Variants in TXNDC8 observed in about 807,000 individuals in gnomAD.
TXNDC8 encodes the protein thioredoxin domain-containing protein 8.
A neutral mutation model predicts 12.9 loss-of-function variants in TXNDC8; 15 were observed. The observed-to-expected ratio is 1.16, with a 90% CI of 0.78 to 1.79. TXNDC8 has a LOEUF of 1.79. TXNDC8 is among the 40% of genes most tolerant of loss of function. The pLI is 0.00. For missense variants in TXNDC8, 128 were observed against 113.2 expected, an observed-to-expected ratio of 1.13 and a Z score of -0.59; for synonymous variants, 40 against 35.4, an observed-to-expected ratio of 1.13 and a Z score of -0.46.
At chr9:110,309,362 G>A (rs1471635167) in intron 3 of TXNDC8, among the ~76,000 whole-genome samples, 1 of 152,028 alleles carries the variant, frequency 6.6e-6, no homozygotes, top group Non-Finnish European at 1.5e-5. Context: ...TTGAGATAGA[G>A]TCTTGCTGTG....
chr9:110,314,232 C>T (rs1838791778), intron 3 of TXNDC8, among the ~76,000 whole-genome samples: 2 of 152,024 alleles, frequency 1.3e-5, no homozygotes, highest in African/African-American at 4.8e-5. Context: ...TTGAGTTGTC[C>T]TGCCTTTCTT....
At chr9:110,311,261 G>T (rs1838651946) in intron 3 of TXNDC8, among the ~76,000 whole-genome samples, 1 of 151,238 alleles carries the variant, frequency 6.6e-6, no homozygotes, top group Non-Finnish European at 1.5e-5. Context: ...AAATACAACG[G>T]GGAAAATACT....
intron 3 of TXNDC8, among the ~76,000 whole-genome samples, chr9:110,309,853 G>C (rs1227863284): frequency 5.4e-5 from 8 of 147,612 alleles, no homozygotes; most frequent in Admixed American, 2.7e-4. Flanking sequence ...CTTTTATTAA[G>C]GAAAAAAAAG....
At chr9:110,312,201 C>T (rs1347043163) in intron 3 of TXNDC8, among the ~76,000 whole-genome samples, 1 of 152,140 alleles carries the variant, frequency 6.6e-6, no homozygotes, top group African/African-American at 2.4e-5. Context: ...AAATTTGGAG[C>T]ATATTTGTTT....
intron 3 of TXNDC8, among the ~76,000 whole-genome samples, chr9:110,315,460 T>C (rs904754651): frequency 1.3e-5 from 2 of 152,116 alleles, no homozygotes; most frequent in Non-Finnish European, 2.9e-5. Flanking sequence ...GTACTGCTGC[T>C]GCAAAATGCA....
At chr9:110,319,772 G>A (rs1233807853) in intron 3 of TXNDC8, among the ~76,000 whole-genome samples, 2 of 152,170 alleles carry the variant, frequency 1.3e-5, no homozygotes, top group Non-Finnish European at 2.9e-5. Flanking sequence ...AACAGAGTGT[G>A]TGACCCTTGC....
In TXNDC8 at chr9:110,303,697, A is replaced by T; in HGVS notation, c.273T>A (p.Asp91Glu). Reference sequence around the variant, plus strand: ...AAGTTAAATCCTACTCATTTCCATCATCTGCAAGACACTTTAAATATAAAT... The same window carrying T: ...AAGTTAAATCCTACTCATTTCCATCTTCTGCAAGACACTTTAAATATAAAT... Residue 91 changes from aspartate to glutamate, a missense_variant, in exon 5 of 5, where the codon GAT (aspartate) becomes GAA (glutamate). Asp to Glu is a conservative substitution (Grantham distance 45, BLOSUM62 2). Coordinates refer to ENST00000423740, the MANE Select transcript of TXNDC8 (RefSeq NM_001286946.2). 2 of 1,596,126 alleles carry T rather than the reference A, an allele frequency of 1.3e-6. No individual in the cohort carries two copies. The highest frequency in any genetic ancestry group is 2.2e-5 in the South Asian group (2 of 89,550).
Position 110,326,178 on chromosome 9 carries a change from C to G in TXNDC8, c.192G>C (p.Gln64His), listed in dbSNP as rs536585323. ...GCTGGTTACCCTGGAAACATACCTT[C>G]TGGCTTTTCTTGAACATCTGAAATG... Residue 64 changes from glutamine (Q) to histidine (H), a missense_variant, in exon 3 of 5, where the codon CAG (glutamine) becomes CAC (histidine). By Grantham distance (24) the Gln-to-His change is conservative. Coordinates refer to ENST00000423740, the MANE Select transcript of TXNDC8 (RefSeq NM_001286946.2). 7 of 1,614,094 alleles carry G rather than the reference C, an allele frequency of 4.3e-6. No individual in the cohort carries two copies. The African/African-American group carries it at 9.3e-5, about 22-fold the overall frequency.
chr9:110,318,217 A>G (rs1243449846), intron 3 of TXNDC8, among the ~76,000 whole-genome samples: 1 of 152,214 alleles, frequency 6.6e-6, no homozygotes, highest in Non-Finnish European at 1.5e-5. Context: ...GTGTCTGACA[A>G]GGAAAGACCT....
intron 3 of TXNDC8, among the ~76,000 whole-genome samples, chr9:110,311,206 A>G (rs1838650212): frequency 6.6e-6 from 1 of 152,144 alleles, no homozygotes. Context: ...GATTATTATC[A>G]CAGTTTACAT....
intron 3 of TXNDC8, among the ~76,000 whole-genome samples, chr9:110,318,674 C>T (rs956304809): frequency 5.9e-5 from 9 of 151,876 alleles, no homozygotes; most frequent in East Asian, 1.9e-4. Flanking sequence ...GGAGGCGGAG[C>T]TTGCAGTGAG....
chr9:110,319,076 C>T (rs970552792), intron 3 of TXNDC8, among the ~76,000 whole-genome samples: 6 of 152,208 alleles, frequency 3.9e-5, no homozygotes, highest in African/African-American at 1.4e-4. Flanking sequence ...TAGTTCTTGC[C>T]CCCCGACCCC....
At chr9:110,308,334 T>C (rs1838536433) in intron 3 of TXNDC8, among the ~76,000 whole-genome samples, 1 of 152,196 alleles carries the variant, frequency 6.6e-6, no homozygotes, top group South Asian at 2.1e-4. Context: ...ACAAGTTTGA[T>C]TTTTTTGCTG....
At chr9:110,329,424 T>C in intron 2 of TXNDC8, 133 bp from the exon 3 acceptor site, 1 of 668,184 alleles carries the variant, frequency 1.5e-6, no homozygotes, top group Non-Finnish European at 2.5e-6. Context: ...ATTCTGACAT[T>C]TCACTACAGC....
chr9:110,313,962 C>T (rs1838784707), intron 3 of TXNDC8, among the ~76,000 whole-genome samples: 1 of 152,048 alleles, frequency 6.6e-6, no homozygotes, highest in African/African-American at 2.4e-5. Context: ...AATGATTTCT[C>T]CAAAAGATTT....
chr9:110,318,519 G>A (rs758421712), intron 3 of TXNDC8, among the ~76,000 whole-genome samples: 4 of 152,090 alleles, frequency 2.6e-5, no homozygotes, highest in South Asian at 2.1e-4. Context: ...GGTGGATCAC[G>A]AGGTCAGGAG....
At chr9:110,333,185 A>G (rs1355074883) in intron 2 of TXNDC8, among the ~76,000 whole-genome samples, 3 of 152,158 alleles carry the variant, frequency 2.0e-5, no homozygotes, top group Non-Finnish European at 2.9e-5. Context: ...GCCAGTCTAC[A>G]GCCTGTTAGG....
chr9:110,324,770 C>T (rs976817041), intron 3 of TXNDC8, among the ~76,000 whole-genome samples: 1 of 152,156 alleles, frequency 6.6e-6, no homozygotes, highest in Admixed American at 6.5e-5. Flanking sequence ...TGCAAAATCG[C>T]CTTTCATAAG....
intron 3 of TXNDC8, among the ~76,000 whole-genome samples, chr9:110,308,241 A>G (rs1025910392): frequency 7.2e-5 from 11 of 152,196 alleles, no homozygotes; most frequent in African/African-American, 2.7e-4. Context: ...GCTTCCAACA[A>G]GGAAGGCAAG....
Sources: allele counts gnomAD v4.1 joint callset (sites outside exome capture counted in the v4.1 genomes callset), GRCh38; gene constraint gnomAD v4.1.1; transcripts MANE v1.5; gene names NCBI Gene and HGNC (gene_info 2026-07-23, HGNC 2026-07-21).